SMAD7: variants seen among roughly 807,000 people sequenced by gnomAD.
SMAD7 encodes SMAD family member 7, also known as MAD (mothers against decapentaplegic, Drosophila) homolog 7.
Under a neutral mutation model 38.7 loss-of-function variants are expected in SMAD7, and 8 were observed. The observed-to-expected ratio is 0.21, with a 90% CI of 0.12 to 0.37. The LOEUF (loss-of-function observed/expected upper bound fraction) is 0.37. Among genes scored for constraint, SMAD7 ranks in the 10% least tolerant of loss-of-function variants. SMAD7 has a pLI of 1.00. For synonymous variants in SMAD7, 327 were observed against 265.1 expected, an observed-to-expected ratio of 1.23 and a Z score of -2.27; for missense variants, 477 against 577.9, an observed-to-expected ratio of 0.83 and a Z score of 1.79.
Position 48,920,272 on chromosome 18 carries a change from T to C in SMAD7, c.*1100A>G, listed in dbSNP as rs995217995. The C allele has an allele frequency of 3.9e-5, 6 of 152,648 alleles. No individual in the cohort carries two copies. The highest frequency in any genetic ancestry group is 1.4e-4 in the African/African-American group (6 of 41,450). 9.5% of individuals were successfully genotyped at this position (152,648 alleles called of 1,614,324 possible). ...TTATGTTAAAGTCTAAACATGCTCA[T>C]TGAGCTAAGAACAGTGTCGAAGTAT... is the stretch of plus-strand genomic sequence containing the variant. On this transcript the variant is annotated 3_prime_UTR_variant, in exon 4 of 4. Coordinates refer to ENST00000262158, the MANE Select transcript of SMAD7 (RefSeq NM_005904.4).
At chr18:48,945,422 A>G (rs542134799) in intron 2 of SMAD7, among the ~76,000 whole-genome samples, 5 of 152,180 alleles carry the variant, frequency 3.3e-5, no homozygotes, top group African/African-American at 1.2e-4. Context: ...AGATCGGGCC[A>G]CTGCACTCCA....
Position 48,950,354 on chromosome 18 carries a change from T to G in SMAD7, c.71A>C (p.Glu24Ala). The G allele has an allele frequency of 1.3e-6, 2 of 1,541,028 alleles. No homozygotes were observed. Among genetic ancestry groups the G allele is most frequent in the Non-Finnish European group, 1.7e-6 (2 of 1,143,118 alleles). ...TCCACCTCCCCCTGCGCCCTCCTCCTCGTCCTCGCCGCCGGGCGCACGGCT... is the reference window on the plus strand; with the variant it reads ...TCCACCTCCCCCTGCGCCCTCCTCCGCGTCCTCGCCGCCGGGCGCACGGCT... ...WRSRAPGGED[E>A]EEGAGGGGGG... The change falls in exon 1 of 4, where the codon GAG (glutamate) becomes GCG (alanine). Residue 24 changes from glutamate to alanine, a missense_variant. Around this residue, in one of 2 missense-constraint regions of SMAD7, gnomAD observed 376 missense variants for 379.4 expected, o/e 0.99. Transcript: ENST00000262158.
chr18:48,921,833 C>T lies in SMAD7; in HGVS notation c.820G>A (p.Gly274Arg). The change falls in exon 4 of 4, where the codon GGG becomes AGG. Residue 274 changes from glycine (G) to arginine (R), a missense_variant. Physicochemically the swap from Gly to Arg is moderately radical, Grantham distance 125. This residue lies in a region of SMAD7 where 376 missense variants were observed against 379.4 expected (regional missense o/e 0.99). Coordinates refer to ENST00000262158, the MANE Select transcript of SMAD7 (RefSeq NM_005904.4). The surrounding 1 kb of genome is among the most constrained non-coding windows in gnomAD (Gnocchi z 6.4). ...GGCTCCTGGACACAGTAGAGCCTCC[C>T]CACTCTCGTCTTCTCCTCCCAGTAT... Reference protein sequence around the residue: ...VAYWEEKTRVGRLYCVQEPSL... With the variant: ...VAYWEEKTRVRRLYCVQEPSL... 1 of 1,613,850 alleles carries T rather than the reference C, an allele frequency of 6.2e-7. No individual in the cohort carries two copies. Among genetic ancestry groups the T allele is most frequent in the Non-Finnish European group, 8.5e-7 (1 of 1,179,926 alleles).
Position 48,921,873 on chromosome 18 carries a change from G to A in SMAD7, c.780C>T (p.His260=). The change falls in exon 4 of 4, where the codon CAC becomes CAT. Residue 260 remains histidine (H), a synonymous_variant. Transcript: ENST00000262158. This position sits in a 1 kb window ranked among gnomAD's most constrained non-coding sequence, Gnocchi z 6.4. The part of the protein sequence containing the change: ...QLLLEPGDRS[H]WCVVAYWEEK... Reference sequence around the variant, plus strand: ...CCTCCCAGTATGCCACCACGCACCAGTGTGACCGATCCCCAGGCTCCAGAA... The same window carrying A: ...CCTCCCAGTATGCCACCACGCACCAATGTGACCGATCCCCAGGCTCCAGAA... 6.2e-7 allele frequency: 1 copy of A among 1,611,194 alleles called. No individual in the cohort carries two copies. The highest frequency in any genetic ancestry group is 8.5e-7 in the Non-Finnish European group (1 of 1,179,548).
chr18:48,928,092 C>G (rs1311403509), intron 3 of SMAD7, among the ~76,000 whole-genome samples: 1 of 152,246 alleles, frequency 6.6e-6, no homozygotes, highest in African/African-American at 2.4e-5. Context: ...TGCAACTCCC[C>G]TGCAGCAAGA....
chr18:48,936,374 AAATGTGCCACC>A (rs1454218722), intron 3 of SMAD7, among the ~76,000 whole-genome samples: 1 of 152,236 alleles, frequency 6.6e-6, no homozygotes, highest in Non-Finnish European at 1.5e-5. Flanking sequence ...ACATAACTTA[AAATGTGCCACC>A]AATGGCATTG....
At position 48,950,337 on chromosome 18, in the gene SMAD7, C is replaced by T. The variant is rs755626298; in HGVS notation, c.88G>A (p.Gly30Arg). 4.2e-5 allele frequency: 65 copies of T among 1,542,094 alleles called. No homozygotes were observed. The Admixed American group carries it at 1.2e-3, about 29-fold the overall frequency. Reference sequence around the variant, plus strand: ...CGCAGCTCGCCTCCTCCTCCACCTCCCCCTGCGCCCTCCTCCTCGTCCTCG... The same window carrying T: ...CGCAGCTCGCCTCCTCCTCCACCTCTCCCTGCGCCCTCCTCCTCGTCCTCG... ...GGEDEEEGAG[G>R]GGGGGELRGE... The change falls in exon 1 of 4, where the codon GGA (glycine) becomes AGA (arginine). Residue 30 changes from glycine (G) to arginine (R), a missense_variant. Gly to Arg is a moderately radical substitution (Grantham distance 125). Around this residue, in one of 2 missense-constraint regions of SMAD7, gnomAD observed 376 missense variants for 379.4 expected, o/e 0.99. Coordinates refer to ENST00000262158, the MANE Select transcript of SMAD7 (RefSeq NM_005904.4).
At chr18:48,942,623 G>C (rs2070154664) in intron 2 of SMAD7, 68 bp from the exon 3 acceptor site, 3 of 1,609,212 alleles carry the variant, frequency 1.9e-6, no homozygotes, top group Non-Finnish European at 2.5e-6. Context: ...CCATCTTTAA[G>C]CACGCTCTAA....
intron 2 of SMAD7, chr18:48,942,888 CT>C (rs2143810284): frequency 1.4e-6 from 1 of 733,414 alleles, no homozygotes; most frequent in African/African-American, 1.9e-5. Context: ...TTGGGTTGGA[CT>C]TTCTCAACCC....
At chr18:48,947,746 T>C (rs1313813989) in intron 2 of SMAD7, among the ~76,000 whole-genome samples, 1 of 152,206 alleles carries the variant, frequency 6.6e-6, no homozygotes, top group Non-Finnish European at 1.5e-5. Context: ...CAGTCTCAAA[T>C]GGGCTTCTGC....
intron 3 of SMAD7, among the ~76,000 whole-genome samples, chr18:48,930,585 C>T (rs1444561027): frequency 2.0e-5 from 3 of 152,040 alleles, no homozygotes; most frequent in Non-Finnish European, 4.4e-5. Context: ...CTGCAGCAGC[C>T]CAGCACTGCC....
At position 48,950,772 on chromosome 18, in the gene SMAD7, C is replaced by T. The variant is rs2070255765; in HGVS notation, c.-348G>A. 6.6e-6 allele frequency: 1 copy of T among 150,426 alleles called. No individual in the cohort carries two copies. Among genetic ancestry groups the T allele is most frequent in the African/African-American group, 2.4e-5 (1 of 41,244 alleles). 9.3% of individuals were successfully genotyped at this position (150,426 alleles called of 1,614,324 possible). ...TCCCTGGGGACGGCCGAGCCTGCCC[C>T]CGTCGGCGCCTCCCCAAAAAGAGGC... On this transcript the variant is annotated 5_prime_UTR_variant, in exon 1 of 4. Coordinates refer to ENST00000262158, the MANE Select transcript of SMAD7 (RefSeq NM_005904.4).
intron 3 of SMAD7, among the ~76,000 whole-genome samples, chr18:48,923,076 C>T (rs1032902068): frequency 2.0e-5 from 3 of 152,208 alleles, no homozygotes; most frequent in Non-Finnish European, 4.4e-5. Flanking sequence ...ACTGCAGGAA[C>T]GCTGTGGTTT....
At chr18:48,949,750 G>A (rs886764597) in intron 1 of SMAD7, 62 bp downstream of exon 1, 6 of 1,503,570 alleles carry the variant, frequency 4.0e-6, no homozygotes, top group Non-Finnish European at 5.3e-6. Context: ...CACTGCCCTA[G>A]GGGCTTTTCT....
At position 48,950,011 on chromosome 18, in the gene SMAD7, C is replaced by A; in HGVS notation, c.414G>T (p.Pro138=). Reference sequence around the variant, plus strand: ...CAGGCTGCGCGCCGGCGGGCGCCCCCGGGCCCAGCCTGCAGTCCAGGCGGC... The same window carrying A: ...CAGGCTGCGCGCCGGCGGGCGCCCCAGGGCCCAGCCTGCAGTCCAGGCGGC... ...LPGRLDCRLG[P]GAPAGAQPAQ... The change falls in exon 1 of 4, where the codon CCG becomes CCT. Residue 138 remains proline (P), a synonymous_variant. Transcript: ENST00000262158. 6.4e-7 allele frequency: 1 copy of A among 1,568,806 alleles called. No individual in the cohort carries two copies. Among genetic ancestry groups the A allele is most frequent in the Non-Finnish European group, 8.6e-7 (1 of 1,159,502 alleles).
Position 48,950,385 on chromosome 18 carries a change from A to G in SMAD7, c.40T>C (p.Trp14Arg), listed in dbSNP as rs1236774000. 6.5e-7 allele frequency: 1 copy of G among 1,546,278 alleles called. No homozygotes were observed. The highest frequency in any genetic ancestry group is 8.7e-7 in the Non-Finnish European group (1 of 1,146,638). The change falls in exon 1 of 4, where the codon TGG becomes CGG. Residue 14 changes from tryptophan (W) to arginine (R), a missense_variant. Transcript: ENST00000262158. ...TCGCCGCCGGGCGCACGGCTCCTCC[A>G]GAGACGCCGGACGAGCGCAGATCGT... Reference protein sequence around the residue: ...TKRSALVRRLWRSRAPGGEDE... With the variant: ...TKRSALVRRLRRSRAPGGEDE...
intron 3 of SMAD7, among the ~76,000 whole-genome samples, chr18:48,941,970 G>A (rs1206974667): frequency 6.6e-6 from 1 of 152,198 alleles, no homozygotes; most frequent in Non-Finnish European, 1.5e-5. Context: ...GACATGTGCT[G>A]CAAAATCCTG....
At chr18:48,926,316 G>T (rs2069927952) in intron 3 of SMAD7, among the ~76,000 whole-genome samples, 1 of 135,170 alleles carries the variant, frequency 7.4e-6, no homozygotes, top group African/African-American at 2.7e-5. Context: ...AGGAACAAGG[G>T]CAAGCTTGGG....
chr18:48,938,047 G>A (rs2070091768), intron 3 of SMAD7, among the ~76,000 whole-genome samples: 1 of 152,192 alleles, frequency 6.6e-6, no homozygotes, highest in African/African-American at 2.4e-5. Context: ...ATGAATAATT[G>A]TTCACGTGCA....
Sources: allele counts gnomAD v4.1 joint callset (sites outside exome capture counted in the v4.1 genomes callset), GRCh38; gene constraint gnomAD v4.1.1; regional missense constraint gnomAD v4.1.1; non-coding constraint Gnocchi (gnomAD v3.1); transcripts MANE v1.5; gene names NCBI Gene and HGNC (gene_info 2026-07-23, HGNC 2026-07-21).